Variants in GAS2 observed in about 807,000 individuals in gnomAD.
GAS2 encodes growth arrest specific 2, also known as growth arrest-specific protein 2.
In GAS2, 20 loss-of-function variants were observed where a neutral mutation model predicts 37.5. That is an observed-to-expected ratio of 0.53 (90% CI 0.37 to 0.77). The LOEUF is 0.77. Ranked by LOEUF, GAS2 falls within the 30% of genes least tolerant of loss-of-function variation. The pLI is 0.00. For synonymous variants in GAS2, 144 were observed against 132.2 expected, an observed-to-expected ratio of 1.09 and a Z score of -0.61; for missense variants, 336 against 373.4, an observed-to-expected ratio of 0.90 and a Z score of 0.82.
At chr11:22,795,624 A>C in intron 7 of GAS2, among the ~76,000 whole-genome samples, 1 of 152,174 alleles carries the variant, frequency 6.6e-6, no homozygotes, top group East Asian at 1.9e-4. Context: ...GTCACAGAGC[A>C]TTTGAAGGAT....
At chr11:22,655,285 G>T (rs1451948178) in intron 1 of GAS2, among the ~76,000 whole-genome samples, 1 of 152,150 alleles carries the variant, frequency 6.6e-6, no homozygotes, top group Non-Finnish European at 1.5e-5. Flanking sequence ...CTATTTATAT[G>T]TAGCAATTAT....
chr11:22,689,643 C>T (rs1046987246), intron 3 of GAS2, among the ~76,000 whole-genome samples: 1 of 152,128 alleles, frequency 6.6e-6, no homozygotes, highest in Admixed American at 6.5e-5. Context: ...ACAAAAAAGA[C>T]TTATGAGATT....
intron 7 of GAS2, among the ~76,000 whole-genome samples, chr11:22,779,643 A>T (rs1855449447): frequency 6.6e-6 from 1 of 152,144 alleles, no homozygotes; most frequent in South Asian, 2.1e-4. Flanking sequence ...GGTTGCTGTA[A>T]GCCAAGATCG....
rs1028608355 is a variant in GAS2 at position 22,698,711 on chromosome 11, C to T, written c.267+12922C>T. Among the ~76,000 whole-genome samples the T allele has an allele frequency of 5.3e-5, 8 of 151,992 alleles. No homozygotes were observed. The East Asian group carries it at 1.4e-3, about 26-fold the overall frequency. ...TCATCCCTGGGATGCAAGGCTGGTT[C>T]AATATATGCAAATCAATAAATGTAA... On this transcript the variant is annotated intron_variant, in intron 3 of 7. Coordinates refer to ENST00000454584, the MANE Select transcript of GAS2 (RefSeq NM_001143830.3).
Position 22,639,094 on chromosome 11 carries a change from C to G in GAS2, c.-21+13281C>G, listed in dbSNP as rs1314602935. Among the ~76,000 whole-genome samples the G allele has an allele frequency of 3.3e-5, 5 of 151,960 alleles. No homozygotes were observed. In the East Asian group the frequency reaches 9.7e-4, roughly 29 times the overall value. ...GTAGAAACTTTGCAAACATGTTTGC[C>G]ATGTTTGTGGTATTGCAAACTGTCT... On this transcript the variant is annotated intron_variant, in intron 1 of 5. Transcript: ENST00000528582.
chr11:22,751,619 C>A (rs1853734918), intron 6 of GAS2, among the ~76,000 whole-genome samples: 1 of 151,954 alleles, frequency 6.6e-6, no homozygotes, highest in Non-Finnish European at 1.5e-5. Flanking sequence ...CCTTTCATTT[C>A]TACTGTAGCT....
At chr11:22,719,941 A>C (rs1423030605) in intron 3 of GAS2, among the ~76,000 whole-genome samples, 5 of 152,028 alleles carry the variant, frequency 3.3e-5, no homozygotes, top group Non-Finnish European at 7.4e-5. Context: ...TATGTTTTCA[A>C]CTTATTTACA....
At chr11:22,682,201 A>G (rs1008420014) in intron 2 of GAS2, among the ~76,000 whole-genome samples, 2 of 152,126 alleles carry the variant, frequency 1.3e-5, no homozygotes, top group African/African-American at 2.4e-5. Flanking sequence ...TTTTACAAGT[A>G]TTCATGAAAA....
chr11:22,643,813 T>C (rs945512525), intron 1 of GAS2, among the ~76,000 whole-genome samples: 3 of 152,230 alleles, frequency 2.0e-5, no homozygotes, highest in Non-Finnish European at 2.9e-5. Context: ...CCAACAGTTA[T>C]CAGTATATTG....
intron 3 of GAS2, among the ~76,000 whole-genome samples, chr11:22,692,790 A>C (rs1173537610): frequency 1.3e-5 from 2 of 152,160 alleles, no homozygotes; most frequent in African/African-American, 4.8e-5. Context: ...CACAATAAAA[A>C]ATATGGCCCA....
chr11:22,782,814 A>G (rs1222964335), intron 7 of GAS2, among the ~76,000 whole-genome samples: 2 of 130,562 alleles, frequency 1.5e-5, no homozygotes, highest in African/African-American at 5.9e-5. Flanking sequence ...ACCATGGTAT[A>G]TATGTACCAT....
rs1852418432 is a variant in GAS2 at position 22,730,479 on chromosome 11, C to G, written c.409+4046C>G. On this transcript the variant is annotated intron_variant, in intron 4 of 7. Coordinates refer to ENST00000454584, the MANE Select transcript of GAS2 (RefSeq NM_001143830.3). Reference sequence around the variant, plus strand: ...AAAGGTTTTTGTGTGGTCTGCAGAGCATGTTGTAACCATAAAGGTCTACAT... The same window carrying G: ...AAAGGTTTTTGTGTGGTCTGCAGAGGATGTTGTAACCATAAAGGTCTACAT... Among the ~76,000 whole-genome samples the G allele has an allele frequency of 3.3e-5, 5 of 151,832 alleles. No individual in the cohort carries two copies. The South Asian group carries it at 1.0e-3, about 32-fold the overall frequency.
At chr11:22,647,938 T>C (rs1848722783) in intron 1 of GAS2, among the ~76,000 whole-genome samples, 1 of 152,190 alleles carries the variant, frequency 6.6e-6, no homozygotes, top group Admixed American at 6.5e-5. Flanking sequence ...TTAGATCCCA[T>C]TTGTCAATTT....
At chr11:22,733,009 T>C (rs1852559971) in intron 4 of GAS2, among the ~76,000 whole-genome samples, 2 of 151,770 alleles carry the variant, frequency 1.3e-5, no homozygotes, top group Admixed American at 6.6e-5. Flanking sequence ...TTCTGATTAT[T>C]AGAGCTGGAT....
intron 6 of GAS2, among the ~76,000 whole-genome samples, chr11:22,753,570 G>A (rs2134316485): frequency 6.6e-6 from 1 of 152,202 alleles, no homozygotes; most frequent in East Asian, 1.9e-4. Flanking sequence ...CCACATGGCA[G>A]CAAAATTGTG....
chr11:22,733,540 G>A (rs574105207), intron 4 of GAS2, among the ~76,000 whole-genome samples: 40 of 151,634 alleles, frequency 2.6e-4, no homozygotes, highest in Non-Finnish European at 3.7e-4. Context: ...ATACATTCAT[G>A]GTCTAATGCA....
At chr11:22,779,707 A>G (rs1295362679) in intron 7 of GAS2, among the ~76,000 whole-genome samples, 1 of 20,208 alleles carries the variant, frequency 4.9e-5, no homozygotes, top group East Asian at 0.05. Context: ...GTCAAAAAAC[A>G]AAAAACAAAA....
intron 1 of GAS2, among the ~76,000 whole-genome samples, chr11:22,660,477 T>G (rs1848903499): frequency 6.6e-6 from 1 of 152,216 alleles, no homozygotes; most frequent in African/African-American, 2.4e-5. Flanking sequence ...CTTATATAAC[T>G]CTCAAGACAT....
At chr11:22,667,107 T>C (rs1849012596) in intron 1 of GAS2, 1 of 152,242 alleles carries the variant, frequency 6.6e-6, no homozygotes, top group Admixed American at 6.5e-5. Flanking sequence ...AGAGTGGGTA[T>C]TCACTGCAGG....
Sources: gnomAD v4.1 joint callset for allele counts (sites outside exome capture counted in the v4.1 genomes callset) on GRCh38, gnomAD v4.1.1 for gene constraint, MANE v1.5 for transcripts, NCBI Gene and HGNC (gene_info 2026-07-23, HGNC 2026-07-21) for gene names.